NRXN3: variants seen among roughly 807,000 people sequenced by gnomAD.
The protein encoded by NRXN3 is neurexin III.
NRXN3 carries 32 observed loss-of-function variants against 137.6 expected under a neutral mutation model. The ratio of observed to expected loss-of-function variants is 0.23; its 90% CI spans 0.18 to 0.31. The LOEUF (loss-of-function observed/expected upper bound fraction) is 0.31, where lower values mean the gene tolerates loss of function less well. Ranked by LOEUF, NRXN3 falls within the 10% of genes least tolerant of loss-of-function variation. The probability of loss-of-function intolerance (pLI) is 1.00; values close to 1 mark genes in which losing one functional copy is unlikely to be tolerated. For missense variants in NRXN3, 1,574 were observed against 2,062.5 expected, an observed-to-expected ratio of 0.76 and a Z score of 4.59; for synonymous variants, 798 against 784.5, an observed-to-expected ratio of 1.02 and a Z score of -0.29.
Position 79,864,729 on chromosome 14 carries a change from TTTTTG to T in NRXN3, c.*2770_*2774del, listed in dbSNP as rs1045995514. On this transcript the variant is annotated 3_prime_UTR_variant, in exon 21 of 21. Transcript: ENST00000335750. ...TGGATACTATGGTTTTGTTTGTTTG[TTTTTG>T]TTTTTTGTTTTTCGTTTTTTGTTTG... 4.6e-5 allele frequency: 7 copies of T among 152,146 alleles called. No individual in the cohort carries two copies. The highest frequency in any genetic ancestry group is 1.4e-4 in the African/African-American group (6 of 41,412). The allele number at this position is 152,146 out of a possible 1,614,324, so 9.4% of individuals were successfully genotyped here. A position where few individuals can be genotyped will look rare whatever the true frequency, so the allele number is the denominator to read the frequency against.
intron 19 of NRXN3, among the ~76,000 whole-genome samples, chr14:79,793,273 T>C (rs1240644016): frequency 6.8e-6 from 1 of 146,350 alleles, no homozygotes; most frequent in Non-Finnish European, 1.5e-5. Flanking sequence ...CTACTAAAAA[T>C]ACAAAAAAAA....
At chr14:78,901,734 G>C (rs1047318427) in intron 10 of NRXN3, among the ~76,000 whole-genome samples, 2 of 151,868 alleles carry the variant, frequency 1.3e-5, no homozygotes, top group Admixed American at 6.6e-5. Context: ...GGGCCAGATG[G>C]GGCACAGGCT....
chr14:79,540,266 G>GAATATATA (rs2097259684), intron 16 of NRXN3, among the ~76,000 whole-genome samples: 1 of 149,576 alleles, frequency 6.7e-6, no homozygotes, highest in African/African-American at 2.5e-5. Flanking sequence ...TGGGTATTAT[G>GAATATATA]CATATAAATA....
chr14:78,574,095 G>C (rs1425230949), intron 4 of NRXN3, among the ~76,000 whole-genome samples: 5 of 152,228 alleles, frequency 3.3e-5, no homozygotes, highest in Non-Finnish European at 7.3e-5. Flanking sequence ...CTTACATGTG[G>C]TGTTGGGCCT....
At chr14:78,837,114 A>T (rs74760766) in intron 10 of NRXN3, among the ~76,000 whole-genome samples, 1,818 of 152,308 alleles carry the variant, frequency 0.012, 18 homozygotes, top group Admixed American at 0.019. Context: ...TACAGTATGA[A>T]TGAAAAGTGA....
At position 79,863,856 on chromosome 14, in the gene NRXN3, G is replaced by A. The variant is rs757081470; in HGVS notation, c.*1892G>A. The A allele has an allele frequency of 6.6e-6, 1 of 152,562 alleles. No individual in the cohort carries two copies. Among genetic ancestry groups the A allele is most frequent in the African/African-American group, 2.4e-5 (1 of 41,438 alleles). 9.5% of individuals were successfully genotyped at this position (152,562 alleles called of 1,614,324 possible). A position where few individuals can be genotyped will look rare whatever the true frequency, so the allele number is the denominator to read the frequency against. Reference sequence around the variant, plus strand: ...TTAGATTTAGAAATCTACTCTTGCTGGTCTTTGTAAGTTGCATGAATATTT... The same window carrying A: ...TTAGATTTAGAAATCTACTCTTGCTAGTCTTTGTAAGTTGCATGAATATTT... On this transcript the variant is annotated 3_prime_UTR_variant, in exon 21 of 21. Coordinates refer to ENST00000335750, the MANE Select transcript of NRXN3 (RefSeq NM_001330195.2).
At chr14:78,953,895 C>T (rs115040202) in intron 10 of NRXN3, among the ~76,000 whole-genome samples, 2,025 of 152,156 alleles carry the variant, frequency 0.013, 50 homozygotes, top group African/African-American at 0.046. Context: ...GGTTTTGAGA[C>T]GTTTCTTAAG....
At chr14:79,064,737 A>ATGTG (rs377665426) in intron 15 of NRXN3, among the ~76,000 whole-genome samples, 4 of 64,240 alleles carry the variant, frequency 6.2e-5, no homozygotes, top group Admixed American at 2.5e-4. Context: ...ATATATGTAT[A>ATGTG]TGTATATATA....
At chr14:79,290,030 C>T (rs1258666146) in intron 15 of NRXN3, among the ~76,000 whole-genome samples, 1 of 152,110 alleles carries the variant, frequency 6.6e-6, no homozygotes, top group African/African-American at 2.4e-5. Context: ...CTCACCCCCC[C>T]ACGTTAAAAC....
chr14:78,957,090 C>A (rs2099398219), intron 10 of NRXN3, 152 bp from the exon 11 acceptor site: 1 of 731,152 alleles, frequency 1.4e-6, no homozygotes, highest in South Asian at 2.0e-5. Context: ...ACAGAGAATC[C>A]ACTGGATCAG....
At chr14:78,606,757 C>T (rs2097256509) in intron 4 of NRXN3, among the ~76,000 whole-genome samples, 2 of 152,166 alleles carry the variant, frequency 1.3e-5, no homozygotes. Context: ...GGTTTAGTAC[C>T]TGCCAGCGTG....
At chr14:79,048,967 GAGTCGAGATCGCGCCACTGCACTCC>G (rs2099637210) in intron 15 of NRXN3, among the ~76,000 whole-genome samples, 2 of 135,866 alleles carry the variant, frequency 1.5e-5, no homozygotes, top group Admixed American at 7.7e-5. Flanking sequence ...AGCTTGCAGT[GAGTCGAGATCGCGCCACTGCACTCC>G]AGCCTGGGCG....
chr14:78,768,283 A>G (rs1430606751), intron 8 of NRXN3, among the ~76,000 whole-genome samples: 1 of 152,168 alleles, frequency 6.6e-6, no homozygotes, highest in Non-Finnish European at 1.5e-5. Flanking sequence ...GTGAATTACT[A>G]GAAATGCTGT....
At chr14:79,663,755 C>G (rs776729434) in intron 16 of NRXN3, 23 bp from the exon 17 acceptor site, 2 of 1,606,806 alleles carry the variant, frequency 1.2e-6, no homozygotes, top group Non-Finnish European at 1.7e-6. Context: ...GATAACTATG[C>G]CTTTTGTGTT....
intron 15 of NRXN3, among the ~76,000 whole-genome samples, chr14:78,988,613 A>G (rs2099512054): frequency 6.6e-6 from 1 of 152,224 alleles, no homozygotes; most frequent in South Asian, 2.1e-4. Context: ...TAGGCCTTAC[A>G]AATGACAAAG....
chr14:78,926,940 A>AT lies in NRXN3; in HGVS notation c.2276-30301dup, dbSNP rs1391138223. The stretch of plus-strand genomic sequence containing the variant: ...TATATAATATATAATATATTTATAT[A>AT]TATATATAATATATATAATATATAT... On this transcript the variant is annotated intron_variant, in intron 10 of 20. Transcript: ENST00000335750. Among the ~76,000 whole-genome samples, 2 of 43,394 alleles carry AT rather than the reference A, an allele frequency of 4.6e-5. 1 individual carries two copies. Among genetic ancestry groups the AT allele is most frequent in the Non-Finnish European group, 7.1e-5 (2 of 28,320 alleles). The allele number at this position is 43,394 out of a possible 152,430, so 28.5% of individuals were successfully genotyped here.
chr14:79,548,751 A>C, intron 16 of NRXN3, among the ~76,000 whole-genome samples: 1 of 151,816 alleles, frequency 6.6e-6, no homozygotes, highest in East Asian at 1.9e-4. Flanking sequence ...AAAGATTAAA[A>C]AAAAAAAAAA....
chr14:79,358,301 G>A (rs535611108), intron 15 of NRXN3, among the ~76,000 whole-genome samples: 4 of 152,138 alleles, frequency 2.6e-5, no homozygotes, highest in African/African-American at 4.8e-5. Context: ...GGTGGCTCAC[G>A]CCTGTAATCC....
intron 15 of NRXN3, chr14:79,246,830 G>T (rs1421075991): frequency 6.6e-6 from 1 of 152,094 alleles, no homozygotes; most frequent in African/African-American, 2.4e-5. Flanking sequence ...AAAATTATTA[G>T]CTACTCTTGG....
Sources: gnomAD v4.1 joint callset for allele counts (sites outside exome capture counted in the v4.1 genomes callset) on GRCh38, gnomAD v4.1.1 for gene constraint, MANE v1.5 for transcripts, NCBI Gene and HGNC (gene_info 2026-07-23, HGNC 2026-07-21) for gene names.